The following PFKM variants were observed in gnomAD, a reference collection of about 807,000 sequenced individuals.
PFKM encodes the protein phosphofructokinase, muscle.
A neutral mutation model predicts 95.5 loss-of-function variants in PFKM; 58 were observed. That is an observed-to-expected ratio of 0.61 (90% confidence interval 0.49 to 0.76). The LOEUF is 0.76. Ranked by LOEUF, PFKM falls within the 30% of genes least tolerant of loss-of-function variation. PFKM has a pLI of 0.00. For synonymous variants in PFKM, 336 were observed against 357.2 expected (o/e 0.94, Z 0.67); for missense variants, 678 against 1,005.4 (o/e 0.67, Z 4.40).
At chr12:48,142,315 A>C in intron 17 of PFKM, 1 of 513,986 alleles carries the variant, frequency 1.9e-6, no homozygotes, top group Non-Finnish European at 3.5e-6. Context: ...TCTACTAAAA[A>C]TACAAAAACT....
At chr12:48,111,832 G>A (rs1164969900) in intron 3 of PFKM, among the ~76,000 whole-genome samples, 4 of 152,158 alleles carry the variant, frequency 2.6e-5, no homozygotes, top group Non-Finnish European at 4.4e-5. Flanking sequence ...TGGTAATTGT[G>A]GGATACTCAA....
chr12:48,125,127 T>G (rs1205130655), intron 2 of PFKM, among the ~76,000 whole-genome samples: 1 of 152,180 alleles, frequency 6.6e-6, no homozygotes, highest in Non-Finnish European at 1.5e-5. Flanking sequence ...GATGCTGGGC[T>G]GATGCCGTAC....
intron 1 of PFKM, chr12:48,122,421 G>A (rs1162874987): frequency 4.8e-6 from 1 of 206,974 alleles, no homozygotes; most frequent in Non-Finnish European, 8.5e-6. Context: ...GATCGTTGAG[G>A]CTAACTCAAC....
At chr12:48,132,178 G>A in intron 4 of PFKM, 1 of 425,776 alleles carries the variant, frequency 2.3e-6, no homozygotes, top group Non-Finnish European at 4.7e-6. Context: ...GAGTACATAT[G>A]ATATGAAAAC....
rs1429267809 is a variant in PFKM at position 48,108,194 on chromosome 12, G to A, written c.205G>A (p.Glu69Lys). ...GGGAAGCATACCTGTTTTCAAAACT[G>A]GTGAGGCATGTGGGTCAACAGTGAG... Residue 69 changes from glutamate (E) to lysine (K), a missense_variant and splice_region_variant, in exon 3 of 25, where the codon GAG (glutamate) becomes AAG (lysine). By Grantham distance (56) the Glu-to-Lys change is moderately conservative (BLOSUM62 1). Transcript: ENST00000340802. 15 of 1,597,306 alleles carry A rather than the reference G, an allele frequency of 9.4e-6. No homozygotes were observed. In the Admixed American group the frequency reaches 2.5e-4, roughly 27 times the overall value.
chr12:48,117,570 G>C (rs923697185), upstream of PFKM, among the ~76,000 whole-genome samples: 1 of 152,154 alleles, frequency 6.6e-6, no homozygotes, highest in African/African-American at 2.4e-5. Flanking sequence ...TTTGCAGTTC[G>C]CTAATGACAT....
At chr12:48,105,490 G>A (rs375581224), upstream of PFKM, 122 of 518,974 alleles carry the variant, frequency 2.4e-4, no homozygotes, top group Non-Finnish European at 4.2e-4. Context: ...TCTTTCTGAT[G>A]GTGGCACTAG....
rs561037605 is a variant in PFKM at position 48,107,069 on chromosome 12, G to A, written c.-9-296G>A. Among the ~76,000 whole-genome samples, 4 of 152,178 alleles carry A rather than the reference G, an allele frequency of 2.6e-5. No homozygotes were observed. The South Asian group carries it at 6.2e-4, about 24-fold the overall frequency. ...TCTTAGAGAAATGCCCCCTTAATAGGTCCTTTACACCCAGATCACAGCCAC... is the reference window on the plus strand; with the variant it reads ...TCTTAGAGAAATGCCCCCTTAATAGATCCTTTACACCCAGATCACAGCCAC... On this transcript the variant is annotated intron_variant, in intron 1 of 24. Coordinates refer to the PFKM transcript ENST00000340802.
At chr12:48,117,542 G>A (rs1400102471), upstream of PFKM, among the ~76,000 whole-genome samples, 1 of 152,144 alleles carries the variant, frequency 6.6e-6, no homozygotes, top group Non-Finnish European at 1.5e-5. Flanking sequence ...GGTGTGTAGT[G>A]GTGTCTCACT....
chr12:48,122,955 C>T (rs1249498495), intron 2 of PFKM, 96 bp downstream of exon 2: 41 of 1,285,120 alleles, frequency 3.2e-5, no homozygotes, highest in East Asian at 9.4e-5. Flanking sequence ...TGTAGGTTCA[C>T]GGGAATTTTG....
intron 11 of PFKM, among the ~76,000 whole-genome samples, chr12:48,138,095 C>T (rs1158669764): frequency 6.6e-6 from 1 of 152,138 alleles, no homozygotes; most frequent in Non-Finnish European, 1.5e-5. Context: ...AGTAATGAAA[C>T]CCAGTATCTC....
chr12:48,137,964 TATAGTAAG>T lies in PFKM; in HGVS notation c.1062+120_1062+127del, dbSNP rs1950250588. On this transcript the variant is annotated intron_variant, in intron 11 of 22. Transcript: ENST00000359794. Reference sequence around the variant, plus strand: ...AGGAGCAGGTGGAAAGGCAAGATGGTATAGTAAGAGACATGTGGGGAAAGAACACAGTG... The same window carrying T: ...AGGAGCAGGTGGAAAGGCAAGATGGTAGACATGTGGGGAAAGAACACAGTG... 1.8e-5 allele frequency: 20 copies of T among 1,097,888 alleles called. No individual in the cohort carries two copies. The Admixed American group carries it at 3.4e-4, about 19-fold the overall frequency. The allele number at this position is 1,097,888 out of a possible 1,614,324, so 68.0% of individuals were successfully genotyped here.
intron 9 of PFKM, 40 bp from the exon 10 acceptor site, chr12:48,135,251 C>G (rs1592745437): frequency 6.6e-7 from 1 of 1,520,450 alleles, no homozygotes; most frequent in Non-Finnish European, 9.1e-7. Flanking sequence ...TCCTTTGACT[C>G]TGCGTAACCC....
rs765768929 is a variant in PFKM at position 48,145,162 on chromosome 12, G to A, written c.2092+32G>A. ...GGGGTGAGAGCGAGTGCCCTCTATAGAGGCTGGTTCCCCAGTATAGAAGCT... is the reference window on the plus strand; with the variant it reads ...GGGGTGAGAGCGAGTGCCCTCTATAAAGGCTGGTTCCCCAGTATAGAAGCT... On this transcript the variant is annotated intron_variant, in intron 21 of 22. Coordinates refer to ENST00000359794, the MANE Select transcript of PFKM (RefSeq NM_000289.6). This position sits in a 1 kb window ranked among gnomAD's most constrained non-coding sequence, Gnocchi z 4.3. 6.2e-6 allele frequency: 10 copies of A among 1,610,060 alleles called. No individual in the cohort carries two copies. The African/African-American group carries it at 1.2e-4, about 19-fold the overall frequency.
At chr12:48,120,924 G>C (rs1948190156) in intron 1 of PFKM, among the ~76,000 whole-genome samples, 1 of 152,286 alleles carries the variant, frequency 6.6e-6, no homozygotes, top group Non-Finnish European at 1.5e-5. Context: ...GGCAAGGTGG[G>C]CGGATCACCT....
chr12:48,137,625 GT>G (rs1288980103), intron 10 of PFKM, 95 bp from the exon 11 acceptor site: 4 of 1,444,686 alleles, frequency 2.8e-6, no homozygotes, highest in Non-Finnish European at 3.9e-6. Flanking sequence ...ACTCAGTCTT[GT>G]GATTTGGAAA....
chr12:48,136,282 A>G (rs747966539), intron 10 of PFKM, among the ~76,000 whole-genome samples: 16 of 152,226 alleles, frequency 1.1e-4, no homozygotes, highest in African/African-American at 3.6e-4. Flanking sequence ...ATTGCATAAT[A>G]TGCAACCCTT....
intron 1 of PFKM, chr12:48,119,847 A>G (rs1397453087): frequency 1.3e-5 from 2 of 152,220 alleles, no homozygotes; most frequent in Non-Finnish European, 1.5e-5. Context: ...ATGCTTATAC[A>G]TGAGTCTGCA....
upstream of PFKM, among the ~76,000 whole-genome samples, chr12:48,118,917 G>T (rs1167255567): frequency 6.6e-6 from 1 of 152,050 alleles, no homozygotes; most frequent in Non-Finnish European, 1.5e-5. Flanking sequence ...GGCACCTAAT[G>T]CAAAATCTAG....
Sources: allele counts gnomAD v4.1 joint callset (sites outside exome capture counted in the v4.1 genomes callset), GRCh38; gene constraint gnomAD v4.1.1; non-coding constraint Gnocchi (gnomAD v3.1); transcripts MANE v1.5; gene names NCBI Gene and HGNC (gene_info 2026-07-23, HGNC 2026-07-21).